The following SPOCK1 variants were observed in gnomAD, a reference collection of about 807,000 sequenced individuals.
SPOCK1 encodes the protein SPARC (osteonectin), cwcv and kazal like domains proteoglycan 1.
A neutral mutation model predicts 55.3 loss-of-function variants in SPOCK1; 23 were observed. The observed-to-expected ratio is 0.42, with a 90% CI of 0.30 to 0.59. The LOEUF (loss-of-function observed/expected upper bound fraction) is 0.59, where lower values mean the gene tolerates loss of function less well. SPOCK1 is among the 20% of genes least tolerant of loss of function. The pLI, the probability that SPOCK1 is intolerant of heterozygous loss-of-function variation, is 0.22. For synonymous variants in SPOCK1, 226 were observed against 221.0 expected (o/e 1.02, Z -0.20); for missense variants, 499 against 552.5 (o/e 0.90, Z 0.97).
chr5:137,266,642 C>T (rs1215577690), intron 3 of SPOCK1, among the ~76,000 whole-genome samples: 2 of 152,288 alleles, frequency 1.3e-5, no homozygotes, highest in Non-Finnish European at 1.5e-5. Flanking sequence ...ATTGTTATGG[C>T]TCATGTGAAT....
intron 2 of SPOCK1, among the ~76,000 whole-genome samples, chr5:137,288,194 G>A (rs1424515039): frequency 3.9e-5 from 6 of 152,178 alleles, no homozygotes; most frequent in Non-Finnish European, 8.8e-5. Context: ...ACTCCACAAT[G>A]TAGAGGCAGC....
intron 5 of SPOCK1, among the ~76,000 whole-genome samples, chr5:137,103,883 G>T (rs1313842795): frequency 1.3e-5 from 2 of 152,144 alleles, no homozygotes; most frequent in Non-Finnish European, 2.9e-5. Context: ...TTTGGCTAAG[G>T]AAAGAAGGTT....
chr5:137,118,074 G>T (rs575461895), intron 4 of SPOCK1, among the ~76,000 whole-genome samples: 5 of 152,108 alleles, frequency 3.3e-5, no homozygotes, highest in South Asian at 4.2e-4. Flanking sequence ...AACATTATTG[G>T]GTAGTACTCA....
intron 2 of SPOCK1, among the ~76,000 whole-genome samples, chr5:137,289,300 T>A (rs1318205460): frequency 6.6e-6 from 1 of 152,230 alleles, no homozygotes; most frequent in East Asian, 1.9e-4. Context: ...CTGCTCATCA[T>A]ATAACTATTT....
chr5:137,037,693 C>CA (rs1751910456), intron 6 of SPOCK1, among the ~76,000 whole-genome samples: 1 of 152,136 alleles, frequency 6.6e-6, no homozygotes, highest in East Asian at 1.9e-4. Context: ...TCCTTGAACT[C>CA]ATGGGAGTCG....
intron 3 of SPOCK1, among the ~76,000 whole-genome samples, chr5:137,214,997 T>TAC (rs141455069): frequency 6.6e-6 from 1 of 152,062 alleles, no homozygotes; most frequent in Non-Finnish European, 1.5e-5. Flanking sequence ...GTCCTAAGCA[T>TAC]ACACACACAC....
chr5:137,152,034 A>G (rs1712672155), intron 3 of SPOCK1, among the ~76,000 whole-genome samples: 2 of 152,082 alleles, frequency 1.3e-5, no homozygotes, highest in Non-Finnish European at 2.9e-5. Flanking sequence ...TCATTCCTCA[A>G]CTGATAACAT....
chr5:137,300,976 G>C (rs1160442659), intron 2 of SPOCK1, among the ~76,000 whole-genome samples: 3 of 152,140 alleles, frequency 2.0e-5, no homozygotes, highest in Admixed American at 2.0e-4. Flanking sequence ...AAGAGAAGAG[G>C]CTTCTTTAGG....
chr5:137,213,814 G>A (rs991153980), intron 3 of SPOCK1, among the ~76,000 whole-genome samples: 5 of 152,138 alleles, frequency 3.3e-5, no homozygotes, highest in African/African-American at 1.2e-4. Context: ...CTCCCATCTG[G>A]GGTTGCTGTT....
chr5:137,460,346 G>T (rs751203075), intron 2 of SPOCK1, among the ~76,000 whole-genome samples: 14 of 152,172 alleles, frequency 9.2e-5, no homozygotes, highest in Non-Finnish European at 1.8e-4. Flanking sequence ...CTGCAGGGGA[G>T]TAAGCCCTTA....
In SPOCK1 at chr5:137,115,423, C is replaced by T. The variant is rs1753559844; in HGVS notation, c.348-2862G>A. 4.0e-5 allele frequency among the ~76,000 whole-genome samples: 6 copies of T among 151,890 alleles called. No individual in the cohort carries two copies. The South Asian group carries it at 1.2e-3, about 32-fold the overall frequency. ...AGTTGTTCAGGAAACCAGCATCAAT[C>T]TGGGACTATTTTCATCCCCTGTTTT... On this transcript the variant is annotated intron_variant, in intron 4 of 10. Transcript: ENST00000394945.
intron 2 of SPOCK1, among the ~76,000 whole-genome samples, chr5:137,440,251 A>G (rs1752967558): frequency 6.6e-6 from 1 of 151,252 alleles, no homozygotes; most frequent in Non-Finnish European, 1.5e-5. Context: ...CAGACATGGA[A>G]AAGTTAATAG....
chr5:137,479,203 C>T (rs1753898707), intron 2 of SPOCK1, among the ~76,000 whole-genome samples: 1 of 151,952 alleles, frequency 6.6e-6, no homozygotes. Context: ...TTATCTGTCC[C>T]GTGACTAACG....
At chr5:137,089,558 A>G (rs955185480) in intron 5 of SPOCK1, among the ~76,000 whole-genome samples, 7 of 152,180 alleles carry the variant, frequency 4.6e-5, no homozygotes, top group African/African-American at 1.7e-4. Flanking sequence ...GCCCCTCAGC[A>G]TCTCCTCAGT....
At chr5:137,042,732 A>G (rs918805170) in intron 6 of SPOCK1, among the ~76,000 whole-genome samples, 9 of 152,152 alleles carry the variant, frequency 5.9e-5, no homozygotes, top group Non-Finnish European at 8.8e-5. Context: ...GTGGAGAATT[A>G]CAGATAAGCA....
chr5:137,157,339 A>C (rs1422747289), intron 3 of SPOCK1, among the ~76,000 whole-genome samples: 3 of 152,182 alleles, frequency 2.0e-5, no homozygotes, highest in Non-Finnish European at 2.9e-5. Context: ...CAACATGATA[A>C]CTTCTTTTTT....
intron 2 of SPOCK1, among the ~76,000 whole-genome samples, chr5:137,419,786 C>G (rs892678777): frequency 6.6e-6 from 1 of 152,120 alleles, no homozygotes; most frequent in African/African-American, 2.4e-5. Flanking sequence ...AATTGATTAC[C>G]CTTTATTTCC....
intron 9 of SPOCK1, among the ~76,000 whole-genome samples, chr5:136,980,181 C>CAAAAA (rs11288318): frequency 1.5e-5 from 2 of 134,468 alleles, no homozygotes; most frequent in Non-Finnish European, 1.6e-5. Context: ...TGTTTGCAGG[C>CAAAAA]AAAAAAAAAA....
At chr5:137,193,747 A>T (rs1755236384) in intron 3 of SPOCK1, among the ~76,000 whole-genome samples, 1 of 152,210 alleles carries the variant, frequency 6.6e-6, no homozygotes, top group South Asian at 2.1e-4. Flanking sequence ...AGAGGTCTGA[A>T]TGGTGTCCAT....
Sources: gnomAD v4.1 joint callset for allele counts (sites outside exome capture counted in the v4.1 genomes callset) on GRCh38, gnomAD v4.1.1 for gene constraint, MANE v1.5 for transcripts, NCBI Gene and HGNC (gene_info 2026-07-23, HGNC 2026-07-21) for gene names.